The following NBEA variants were observed in gnomAD, a reference collection of about 807,000 sequenced individuals.
The protein encoded by NBEA is neurobeachin, also known as lysosomal-trafficking regulator 2.
Under a neutral mutation model 343.4 loss-of-function variants are expected in NBEA, and 44 were observed. The observed-to-expected ratio is 0.13, with a 90% CI of 0.10 to 0.16. The LOEUF is 0.16. Among genes scored for constraint, NBEA ranks in the 10% least tolerant of loss-of-function variants. The pLI, the probability that NBEA is intolerant of heterozygous loss-of-function variation, is 1.00. For missense variants in NBEA, 2,555 were observed against 3,631.3 expected, an observed-to-expected ratio of 0.70 and a Z score of 7.62; for synonymous variants, 1,175 against 1,238.7, an observed-to-expected ratio of 0.95 and a Z score of 1.08.
intron 45 of NBEA, among the ~76,000 whole-genome samples, chr13:35,568,462 C>A (rs1180912265): frequency 6.6e-6 from 1 of 152,112 alleles, no homozygotes; most frequent in Non-Finnish European, 1.5e-5. Context: ...ATTCAGGTAA[C>A]TAAATTATTT....
intron 1 of NBEA, among the ~76,000 whole-genome samples, chr13:35,023,922 C>A (rs1006938879): frequency 6.6e-6 from 1 of 152,038 alleles, no homozygotes; most frequent in Non-Finnish European, 1.5e-5. Context: ...GATTTTATTA[C>A]CCATGTGGTG....
At chr13:35,614,303 T>C (rs182207657) in intron 48 of NBEA, among the ~76,000 whole-genome samples, 11 of 152,358 alleles carry the variant, frequency 7.2e-5, no homozygotes, top group Non-Finnish European at 1.5e-4. Context: ...ATACTTCATT[T>C]TTTACTTAAA....
intron 38 of NBEA, among the ~76,000 whole-genome samples, chr13:35,381,820 T>G (rs1173555154): frequency 6.6e-6 from 1 of 152,144 alleles, no homozygotes; most frequent in Admixed American, 6.5e-5. Flanking sequence ...TAATCCTTAA[T>G]GAAATTCTTC....
intron 6 of NBEA, among the ~76,000 whole-genome samples, chr13:35,055,673 G>A (rs1203020120): frequency 1.3e-5 from 2 of 152,116 alleles, no homozygotes; most frequent in African/African-American, 4.8e-5. Context: ...GAACTGGTCA[G>A]CCTTGGGTAT....
intron 34 of NBEA, among the ~76,000 whole-genome samples, chr13:35,240,151 A>G (rs1217990957): frequency 1.3e-5 from 2 of 151,830 alleles, no homozygotes; most frequent in Non-Finnish European, 3.0e-5. Flanking sequence ...AATTTAGAAA[A>G]TGATTTTGTC....
intron 26 of NBEA, 50 bp from the exon 27 acceptor site, chr13:35,173,414 A>T: frequency 6.8e-7 from 1 of 1,465,306 alleles, no homozygotes; most frequent in Non-Finnish European, 9.2e-7. Flanking sequence ...TTTCCAGGAT[A>T]TCAAAGTCAA....
At chr13:34,947,074 TGCATTTTAATTTATGTTGATATATAA>T (rs1175322299) in intron 1 of NBEA, among the ~76,000 whole-genome samples, 2 of 152,024 alleles carry the variant, frequency 1.3e-5, no homozygotes, top group African/African-American at 2.4e-5. Flanking sequence ...AATAATTTCC[TGCATTTTAATTTATGTTGATATATAA>T]GCCTTTTCAT....
At chr13:35,469,624 CTA>C (rs1261564581) in intron 40 of NBEA, among the ~76,000 whole-genome samples, 1 of 152,120 alleles carries the variant, frequency 6.6e-6, no homozygotes, top group Non-Finnish European at 1.5e-5. Context: ...ATCAATATTT[CTA>C]TGTGTGCCGA....
At chr13:35,044,854 A>G (rs7996448) in intron 2 of NBEA, 93 bp from the exon 3 acceptor site, 697,258 of 717,162 alleles carry the variant, frequency 0.97, 339,629 homozygotes, top group Non-Finnish European at 0.99. Context: ...AGAGAGAGAT[A>G]ACAATGATAA....
At position 35,203,995 on chromosome 13, in the gene NBEA, G is replaced by T. The variant is rs187535491; in HGVS notation, c.5367-4705G>T. 1.6e-3 allele frequency among the ~76,000 whole-genome samples: 246 copies of T among 152,176 alleles called. 1 individual carries two copies. Among genetic ancestry groups the T allele is most frequent in the African/African-American group, 5.8e-3 (240 of 41,524 alleles). ...AAGGAATATGTAGAATAGAGCAGGGGTCCCCACCCCTGGGCCATGGACTGG... is the reference window on the plus strand; with the variant it reads ...AAGGAATATGTAGAATAGAGCAGGGTTCCCCACCCCTGGGCCATGGACTGG... On this transcript the variant is annotated intron_variant, in intron 31 of 58. Coordinates refer to ENST00000379939, the MANE Select transcript of NBEA (RefSeq NM_001385012.1).
chr13:35,273,190 T>C (rs548053539), intron 34 of NBEA, among the ~76,000 whole-genome samples: 8 of 152,202 alleles, frequency 5.3e-5, no homozygotes, highest in Non-Finnish European at 1.0e-4. Context: ...GAATTCAGGA[T>C]TAAGAAACTC....
intron 40 of NBEA, among the ~76,000 whole-genome samples, chr13:35,456,664 T>C (rs749860609): frequency 1.3e-5 from 2 of 151,988 alleles, no homozygotes; most frequent in Non-Finnish European, 2.9e-5. Flanking sequence ...CAAATTTATA[T>C]AAATTGGTAA....
Position 35,070,805 on chromosome 13 carries a change from A to G in NBEA, c.1524A>G (p.Gln508=). ...AAGTGCTTTTTCCACTTTTTGCCCAATTGGATAATAGGCAGCTCAATGACA... is the reference window on the plus strand; with the variant it reads ...AAGTGCTTTTTCCACTTTTTGCCCAGTTGGATAATAGGCAGCTCAATGACA... ...GIQVLFPLFA[Q]LDNRQLNDSQ... Residue 508 remains glutamine (Q), a synonymous_variant, in exon 10 of 59, where the codon CAA becomes CAG. Transcript: ENST00000379939. 2.5e-6 allele frequency: 4 copies of G among 1,610,428 alleles called. No homozygotes were observed. Among genetic ancestry groups the G allele is most frequent in the African/African-American group, 1.3e-5 (1 of 74,904 alleles).
intron 1 of NBEA, among the ~76,000 whole-genome samples, chr13:34,988,016 T>C (rs1369577920): frequency 6.6e-6 from 1 of 151,196 alleles, no homozygotes; most frequent in African/African-American, 2.4e-5. Context: ...AAAGTCATTC[T>C]CCATGCAGCT....
chr13:35,093,414 A>G (rs1348681458), intron 10 of NBEA, among the ~76,000 whole-genome samples: 2 of 151,698 alleles, frequency 1.3e-5, no homozygotes, highest in Admixed American at 1.3e-4. Flanking sequence ...AAGCCTAAGT[A>G]TTAAAGAATT....
chr13:35,636,327 A>T (rs2083688575), intron 49 of NBEA, among the ~76,000 whole-genome samples: 1 of 152,216 alleles, frequency 6.6e-6, no homozygotes. Flanking sequence ...GTCTCAGTAC[A>T]GTATATCTAA....
intron 38 of NBEA, among the ~76,000 whole-genome samples, chr13:35,430,293 A>G (rs542850401): frequency 1.3e-5 from 2 of 152,154 alleles, no homozygotes; most frequent in Admixed American, 1.3e-4. Context: ...TCCTTAGCCC[A>G]CTTTTCGATG....
chr13:35,469,317 T>C (rs1402889047), intron 40 of NBEA, among the ~76,000 whole-genome samples: 6 of 152,120 alleles, frequency 3.9e-5, no homozygotes, highest in African/African-American at 1.4e-4. Context: ...ACCATCTCAA[T>C]TGGTTAAAGA....
At chr13:35,217,633 C>T (rs537563627) in intron 33 of NBEA, among the ~76,000 whole-genome samples, 32 of 152,054 alleles carry the variant, frequency 2.1e-4, no homozygotes, top group Non-Finnish European at 4.0e-4. Flanking sequence ...GCTATCCTTG[C>T]CCATGAGGCA....
Sources: allele counts gnomAD v4.1 joint callset (sites outside exome capture counted in the v4.1 genomes callset), GRCh38; gene constraint gnomAD v4.1.1; transcripts MANE v1.5; gene names NCBI Gene and HGNC (gene_info 2026-07-23, HGNC 2026-07-21).